RCAN2: variants seen among roughly 807,000 people sequenced by gnomAD.
RCAN2 encodes the protein regulator of calcineurin 2.
RCAN2 carries 9 observed loss-of-function variants against 23.6 expected under a neutral mutation model. That is an observed-to-expected ratio of 0.38 (90% CI 0.23 to 0.67). The LOEUF is 0.67. RCAN2 is among the 30% of genes least tolerant of loss of function. The pLI is 0.51. For missense variants in RCAN2, 273 were observed against 302.3 expected (o/e 0.90, Z 0.72); for synonymous variants, 109 against 115.7 (o/e 0.94, Z 0.37).
rs60844995 is a variant in RCAN2 at position 46,446,943 on chromosome 6, C to T, written c.225+9809G>A. On this transcript the variant is annotated intron_variant, in intron 2 of 4. Transcript: ENST00000371374. ...AGAAAGGAACAACAGATCTACAAAG[C>T]AACTAAGAACAATTAACAAAATGGT... 9.2e-3 allele frequency among the ~76,000 whole-genome samples: 1,404 copies of T among 152,168 alleles called. 22 individuals carry two copies. Among genetic ancestry groups the T allele is most frequent in the African/African-American group, 0.032 (1,334 of 41,542 alleles).
rs547089656 is a variant in RCAN2, at chr6:46,334,721, CA to C, written c.226-85826del. On this transcript the variant is annotated intron_variant, in intron 2 of 4. Transcript: ENST00000371374. ...GACTCAGGGACAGTGTTCATTCCACCACTGCCCAGTTAGCACCTTACTGCTG... is the reference window on the plus strand; with the variant it reads ...GACTCAGGGACAGTGTTCATTCCACCCTGCCCAGTTAGCACCTTACTGCTG... Among the ~76,000 whole-genome samples, 286 of 152,306 alleles carry C rather than the reference CA, an allele frequency of 1.9e-3. 2 individuals are homozygous for C. Among genetic ancestry groups the C allele is most frequent in the African/African-American group, 6.6e-3 (273 of 41,560 alleles).
rs114355580 is a variant in RCAN2, at chr6:46,443,152, C to G, written c.225+13600G>C. 8.7e-3 allele frequency among the ~76,000 whole-genome samples: 1,330 copies of G among 152,254 alleles called. 19 individuals carry two copies. The highest frequency in any genetic ancestry group is 0.03 in the African/African-American group (1,267 of 41,552). On this transcript the variant is annotated intron_variant, in intron 2 of 4. Coordinates refer to ENST00000371374, the MANE Select transcript of RCAN2 (RefSeq NM_001251974.2). The stretch of plus-strand genomic sequence containing the variant: ...TTTTACCTATAAGGAATGAACAACA[C>G]AAGAAAAACAGTGAAATTCCTAAGT...
chr6:46,457,242 G>A (rs73735760), intron 1 of RCAN2, among the ~76,000 whole-genome samples: 5,598 of 152,226 alleles, frequency 0.037, 203 homozygotes, highest in South Asian at 0.12. Context: ...AATAGGTATA[G>A]GAAATGGAGA....
chr6:46,242,231 T>A (rs1766331882), intron 4 of RCAN2, among the ~76,000 whole-genome samples: 1 of 152,246 alleles, frequency 6.6e-6, no homozygotes, highest in Non-Finnish European at 1.5e-5. Context: ...CTAGAAGTTT[T>A]CAGGAATTGG....
intron 1 of RCAN2, among the ~76,000 whole-genome samples, chr6:46,466,546 G>A (rs1010131548): frequency 6.6e-6 from 1 of 151,982 alleles, no homozygotes; most frequent in Non-Finnish European, 1.5e-5. Flanking sequence ...GAAAGGCAGG[G>A]GGAAGAAAAA....
intron 4 of RCAN2, among the ~76,000 whole-genome samples, chr6:46,237,276 C>A (rs1041864373): frequency 6.6e-6 from 1 of 152,162 alleles, no homozygotes; most frequent in Non-Finnish European, 1.5e-5. Flanking sequence ...GGCATGGTCT[C>A]TTTGACAATG....
At chr6:46,313,756 C>T (rs1763338205) in intron 2 of RCAN2, among the ~76,000 whole-genome samples, 1 of 152,204 alleles carries the variant, frequency 6.6e-6, no homozygotes, top group South Asian at 2.1e-4. Flanking sequence ...GAATCATATA[C>T]TTCCTGACTA....
intron 2 of RCAN2, among the ~76,000 whole-genome samples, chr6:46,362,598 A>G (rs931953879): frequency 2.0e-5 from 3 of 152,118 alleles, no homozygotes; most frequent in East Asian, 1.9e-4. Flanking sequence ...TGATTCTGTC[A>G]TGGTTCTGTA....
chr6:46,365,509 GA>G (rs1765146210), intron 2 of RCAN2, among the ~76,000 whole-genome samples: 2 of 148,148 alleles, frequency 1.3e-5, no homozygotes, highest in Non-Finnish European at 3.0e-5. Flanking sequence ...AAAAGAAAAA[GA>G]AAAAGAAAAA....
intron 1 of RCAN2, among the ~76,000 whole-genome samples, chr6:46,480,947 G>A (rs112800023): frequency 0.034 from 5,108 of 152,264 alleles, 299 homozygotes; most frequent in African/African-American, 0.12. Flanking sequence ...TAATAATTGT[G>A]TGAAGAGAAC....
chr6:46,336,459 G>C (rs956998147), intron 2 of RCAN2, among the ~76,000 whole-genome samples: 18 of 152,194 alleles, frequency 1.2e-4, no homozygotes, highest in South Asian at 2.1e-4. Context: ...AGGCTTCAAG[G>C]AAAAAGAAGG....
intron 3 of RCAN2, among the ~76,000 whole-genome samples, chr6:46,247,752 T>C (rs768125563): frequency 1.3e-5 from 2 of 152,248 alleles, no homozygotes; most frequent in African/African-American, 4.8e-5. Context: ...CATTCATCCA[T>C]TGATGGACAT....
rs1765523357 is a variant in RCAN2, at chr6:46,222,924, T to C, written c.*217A>G. The C allele has an allele frequency of 5.4e-6, 3 of 551,392 alleles. No individual in the cohort carries two copies. The highest frequency in any genetic ancestry group is 9.7e-6 in the Non-Finnish European group (3 of 309,100). 34.2% of individuals were successfully genotyped at this position (551,392 alleles called of 1,614,324 possible). Reference sequence around the variant, plus strand: ...AATAAGAAAATACTACTTTTTTCCCTAGAACCTTCTAAATAATGGGTTATA... The same window carrying C: ...AATAAGAAAATACTACTTTTTTCCCCAGAACCTTCTAAATAATGGGTTATA... On this transcript the variant is annotated 3_prime_UTR_variant, in exon 5 of 5. Coordinates refer to ENST00000371374, the MANE Select transcript of RCAN2 (RefSeq NM_001251974.2).
chr6:46,274,848 G>A (rs949439658), intron 2 of RCAN2, among the ~76,000 whole-genome samples: 3 of 152,214 alleles, frequency 2.0e-5, no homozygotes, highest in Admixed American at 6.5e-5. Flanking sequence ...GGTAGGCTGA[G>A]AGAGCAGGAT....
intron 2 of RCAN2, among the ~76,000 whole-genome samples, chr6:46,408,321 AC>A (rs1342389499): frequency 3.3e-5 from 5 of 152,074 alleles, no homozygotes; most frequent in Non-Finnish European, 5.9e-5. Context: ...CTTTGTGGCA[AC>A]CTGCTGCAGA....
At chr6:46,249,060 G>A (rs1213868343) in intron 2 of RCAN2, among the ~76,000 whole-genome samples, 164 bp from the exon 3 acceptor site, 2 of 151,552 alleles carry the variant, frequency 1.3e-5, no homozygotes, top group Non-Finnish European at 2.9e-5. Flanking sequence ...CTGTTGCCAG[G>A]TGCAAAACAT....
intron 2 of RCAN2, among the ~76,000 whole-genome samples, chr6:46,286,960 G>A (rs973860936): frequency 7.9e-5 from 12 of 151,932 alleles, no homozygotes; most frequent in South Asian, 6.2e-4. Flanking sequence ...AGCCGAGATC[G>A]CGCCGTTGTA....
At chr6:46,239,699 C>A (rs981097061) in intron 4 of RCAN2, among the ~76,000 whole-genome samples, 1 of 151,920 alleles carries the variant, frequency 6.6e-6, no homozygotes, top group African/African-American at 2.4e-5. Flanking sequence ...TGAGAGTGAG[C>A]AAGAGAGCAA....
At chr6:46,468,799 C>T (rs1768467902) in intron 1 of RCAN2, 1 of 985,174 alleles carries the variant, frequency 1.0e-6, no homozygotes, top group Non-Finnish European at 1.2e-6. Context: ...GCCTTGCTCA[C>T]CTTTAATCAG....
Sources: allele counts gnomAD v4.1 joint callset (sites outside exome capture counted in the v4.1 genomes callset), GRCh38; gene constraint gnomAD v4.1.1; transcripts MANE v1.5; gene names NCBI Gene and HGNC (gene_info 2026-07-23, HGNC 2026-07-21).